CCDC7: variants seen among roughly 807,000 people sequenced by gnomAD.
CCDC7 encodes coiled-coil domain containing 7.
A neutral mutation model predicts 196.9 loss-of-function variants in CCDC7; 183 were observed. That is an observed-to-expected ratio of 0.93 (90% CI 0.82 to 1.05). The LOEUF (loss-of-function observed/expected upper bound fraction) is 1.05. CCDC7 is among the 50% of genes least tolerant of loss of function. The pLI, the probability that CCDC7 is intolerant of heterozygous loss-of-function variation, is 0.00. For synonymous variants in CCDC7, 525 were observed against 484.6 expected (o/e 1.08, Z -1.10); for missense variants, 1,540 against 1,482.2 (o/e 1.04, Z -0.64).
At chr10:32,720,189 A>G (rs1209970188) in intron 25 of CCDC7, among the ~76,000 whole-genome samples, 1 of 152,186 alleles carries the variant, frequency 6.6e-6, no homozygotes, top group Admixed American at 6.5e-5. Flanking sequence ...TGGCACATAT[A>G]CACCATGGAA....
intron 29 of CCDC7, among the ~76,000 whole-genome samples, chr10:32,779,424 C>A (rs1429473000): frequency 2.0e-5 from 3 of 152,026 alleles, no homozygotes; most frequent in Non-Finnish European, 4.4e-5. Flanking sequence ...TTTCTTATAC[C>A]ATCTTTTGTA....
intron 28 of CCDC7, among the ~76,000 whole-genome samples, chr10:32,778,023 C>T (rs970652999): frequency 6.6e-6 from 1 of 152,086 alleles, no homozygotes; most frequent in Non-Finnish European, 1.5e-5. Context: ...GTCCTTTGCC[C>T]CACTTTATAA....
At chr10:32,640,696 C>T (rs2066583437) in intron 20 of CCDC7, among the ~76,000 whole-genome samples, 1 of 152,028 alleles carries the variant, frequency 6.6e-6, no homozygotes, top group Admixed American at 6.6e-5. Flanking sequence ...TCTTTTAGGG[C>T]AGGCCTGGTG....
intron 28 of CCDC7, among the ~76,000 whole-genome samples, chr10:32,758,933 A>G (rs575430638): frequency 6.6e-6 from 1 of 152,314 alleles, no homozygotes; most frequent in Admixed American, 6.5e-5. Flanking sequence ...AAAAATCACA[A>G]ACATTCCTAT....
chr10:32,845,794 C>G (rs1565689503), intron 35 of CCDC7, 82 bp from the exon 37 acceptor site: 1 of 1,144,764 alleles, frequency 8.7e-7, no homozygotes, highest in Admixed American at 1.8e-5. Context: ...CACACACACA[C>G]ATACACACAC....
At chr10:32,715,344 A>G (rs2081414455) in intron 25 of CCDC7, among the ~76,000 whole-genome samples, 1 of 152,164 alleles carries the variant, frequency 6.6e-6, no homozygotes, top group Admixed American at 6.5e-5. Context: ...ACAGAAAGCA[A>G]TAGTATCAAC....
At chr10:32,631,870 A>T (rs548573548) in intron 18 of CCDC7, among the ~76,000 whole-genome samples, 53 of 152,092 alleles carry the variant, frequency 3.5e-4, no homozygotes, top group Non-Finnish European at 5.9e-5. Flanking sequence ...TTATTTTTTT[A>T]AAAGTCATTC....
rs1201705972 is a variant in CCDC7, at chr10:32,660,397, T to C, written c.2015-3657T>C. ...GGTGTTTGGTTTTTTGTTCTTGCGA[T>C]AGTTTACTGAGAATGATGATTTCCA... On this transcript the variant is annotated intron_variant, in intron 20 of 41. Coordinates refer to ENST00000639629, the Ensembl canonical transcript of CCDC7. Among the ~76,000 whole-genome samples, 14 of 139,208 alleles carry C rather than the reference T, an allele frequency of 1.0e-4. No individual in the cohort carries two copies. In the East Asian group the frequency reaches 1.0e-3, roughly 10 times the overall value. 91.3% of individuals were successfully genotyped at this position (139,208 alleles called of 152,430 possible).
chr10:32,761,581 A>C (rs1203877401), intron 28 of CCDC7, among the ~76,000 whole-genome samples: 3 of 151,936 alleles, frequency 2.0e-5, no homozygotes, highest in Non-Finnish European at 4.4e-5. Flanking sequence ...AATGACCTAA[A>C]ACTTTCTATG....
intron 3 of CCDC7, among the ~76,000 whole-genome samples, chr10:32,461,667 A>G (rs1237292344): frequency 6.9e-6 from 1 of 144,904 alleles, no homozygotes; most frequent in African/African-American, 2.5e-5. Context: ...TCTGAAAGGA[A>G]TTTAAATTTT....
chr10:32,643,375 G>T (rs1457330723), intron 20 of CCDC7, among the ~76,000 whole-genome samples: 14 of 151,732 alleles, frequency 9.2e-5, no homozygotes, highest in Non-Finnish European at 2.1e-4. Context: ...CTTGTTTTCT[G>T]TCTTTCTGGA....
chr10:32,742,398 T>G (rs1000330628), intron 28 of CCDC7, among the ~76,000 whole-genome samples: 43 of 152,214 alleles, frequency 2.8e-4, no homozygotes, highest in Admixed American at 8.5e-4. Flanking sequence ...GTTCGTATTC[T>G]GGGTTTTGAC....
At chr10:32,532,553 A>G (rs914961653) in intron 11 of CCDC7, among the ~76,000 whole-genome samples, 2 of 152,066 alleles carry the variant, frequency 1.3e-5, no homozygotes, top group African/African-American at 4.8e-5. Flanking sequence ...GGCCTATTAC[A>G]TTTTGTGTGT....
chr10:32,763,341 C>G (rs1050189582), intron 28 of CCDC7, among the ~76,000 whole-genome samples: 1 of 151,914 alleles, frequency 6.6e-6, no homozygotes, highest in African/African-American at 2.4e-5. Flanking sequence ...GGATGGCTAT[C>G]ATCAAAAACA....
chr10:32,443,511 G>A (rs1213647527), upstream of CCDC7, among the ~76,000 whole-genome samples: 4 of 152,152 alleles, frequency 2.6e-5, no homozygotes, highest in Admixed American at 6.5e-5. Context: ...CGAGGCAGGG[G>A]TCATGGATAA....
intron 21 of CCDC7, among the ~76,000 whole-genome samples, chr10:32,673,906 G>T (rs1565081058): frequency 6.6e-6 from 1 of 151,836 alleles, no homozygotes. Context: ...TCCATAAATT[G>T]TTCATAATAG....
At position 32,634,316 on chromosome 10, in the gene CCDC7, C is replaced by T; in HGVS notation, c.1864C>T (p.Gln622Ter). The change falls in exon 19 of 42, where the codon CAA (glutamine) becomes TAA (stop). Residue 622 changes from glutamine to a stop codon, truncating the protein, a stop_gained. Coordinates refer to ENST00000639629, the Ensembl canonical transcript of CCDC7. LOFTEE classifies it high-confidence loss of function. ...AAATAAAGATTCAGTAACAAAAGTC[C>T]AAATAGAACAAATGAAACAAAGAAC... 4.9e-6 allele frequency: 6 copies of T among 1,212,226 alleles called. No homozygotes were observed. The highest frequency in any genetic ancestry group is 6.2e-6 in the Non-Finnish European group (6 of 970,244). 75.1% of individuals were successfully genotyped at this position (1,212,226 alleles called of 1,614,324 possible). A position where few individuals can be genotyped will look rare whatever the true frequency, so the allele number is the denominator to read the frequency against.
intron 24 of CCDC7, among the ~76,000 whole-genome samples, chr10:32,706,840 C>T (rs2504347): frequency 0.045 from 6,799 of 152,178 alleles, 208 homozygotes; most frequent in Non-Finnish European, 0.071. Flanking sequence ...AGCTTAGCAA[C>T]CAAAAAAGGT....
At chr10:32,565,135 T>C (rs1023881690) in intron 13 of CCDC7, among the ~76,000 whole-genome samples, 12 of 152,328 alleles carry the variant, frequency 7.9e-5, no homozygotes, top group African/African-American at 2.6e-4. Flanking sequence ...GAACTCTAAA[T>C]ATGGTCCTCA....
Sources: gnomAD v4.1 joint callset for allele counts (sites outside exome capture counted in the v4.1 genomes callset) on GRCh38, gnomAD v4.1.1 for gene constraint, MANE v1.5 for transcripts, NCBI Gene and HGNC (gene_info 2026-07-23, HGNC 2026-07-21) for gene names.